CDC42BPA: variants seen among roughly 807,000 people sequenced by gnomAD.
The protein encoded by CDC42BPA is serine/threonine-protein kinase MRCK alpha.
Under a neutral mutation model 223.5 loss-of-function variants are expected in CDC42BPA, and 80 were observed. The ratio of observed to expected loss-of-function variants is 0.36; its 90% CI spans 0.30 to 0.43. The LOEUF is 0.43. Among genes scored for constraint, CDC42BPA ranks in the 20% least tolerant of loss-of-function variants. The pLI is 1.00. For missense variants in CDC42BPA, 1,743 were observed against 2,099.9 expected, an observed-to-expected ratio of 0.83 and a Z score of 3.32; for synonymous variants, 694 against 718.6, an observed-to-expected ratio of 0.97 and a Z score of 0.55.
chr1:227,130,330 CAATA>C (rs1656815404), intron 10 of CDC42BPA, among the ~76,000 whole-genome samples: 2 of 151,938 alleles, frequency 1.3e-5, no homozygotes, highest in African/African-American at 4.8e-5. Context: ...GTTTGGCAGT[CAATA>C]AATATTTGTT....
rs1418070720 is a variant in CDC42BPA, at chr1:227,313,895, ATTAG to A, written c.178+3106_178+3109del. On this transcript the variant is annotated intron_variant, in intron 1 of 36. Coordinates refer to ENST00000366766, the MANE Select transcript of CDC42BPA (RefSeq NM_001394014.1). Reference sequence around the variant, plus strand: ...ATACAAAATCTGAATAAGCTATAAAATTAGTTATTTAGTGATAATTTCTGTATGT... The same window carrying A: ...ATACAAAATCTGAATAAGCTATAAAATTATTTAGTGATAATTTCTGTATGT... Among the ~76,000 whole-genome samples the A allele has an allele frequency of 4.6e-5, 7 of 152,178 alleles. 1 individual carries two copies. Among genetic ancestry groups the A allele is most frequent in the Admixed American group, 6.5e-5 (1 of 15,286 alleles).
intron 5 of CDC42BPA, among the ~76,000 whole-genome samples, chr1:227,165,573 C>T (rs1290964953): frequency 6.6e-6 from 1 of 151,938 alleles, no homozygotes; most frequent in Non-Finnish European, 1.5e-5. Flanking sequence ...ACAATATTTA[C>T]AAAGTCTCAA....
chr1:227,296,267 T>G (rs914343320), intron 1 of CDC42BPA, among the ~76,000 whole-genome samples: 5 of 152,186 alleles, frequency 3.3e-5, no homozygotes, highest in African/African-American at 1.2e-4. Context: ...ACAGAAAGAA[T>G]AATCTCTTTT....
intron 2 of CDC42BPA, among the ~76,000 whole-genome samples, chr1:227,244,536 C>T (rs1680579962): frequency 6.6e-6 from 1 of 151,566 alleles, no homozygotes; most frequent in Non-Finnish European, 1.5e-5. Context: ...TAGAAATGTA[C>T]TATATCTTGA....
chr1:227,220,282 TTATATATATA>T (rs368690606), intron 2 of CDC42BPA, among the ~76,000 whole-genome samples: 1 of 100,880 alleles, frequency 9.9e-6, no homozygotes, highest in African/African-American at 4.0e-5. Context: ...AAAAGTCATG[TTATATATATA>T]TATATATATA....
chr1:227,116,990 C>G lies in CDC42BPA; in HGVS notation c.1647+2814G>C, dbSNP rs572047751. On this transcript the variant is annotated intron_variant, in intron 12 of 36. Transcript: ENST00000366766. ...CTTCTCTTTAGATTTCCAAGGAACT[C>G]TCTCAGAACAGGAGAAAGCAGGAAG... Among the ~76,000 whole-genome samples, 14 of 152,268 alleles carry G rather than the reference C, an allele frequency of 9.2e-5. No homozygotes were observed. In the South Asian group the frequency reaches 2.9e-3, roughly 32 times the overall value.
Position 227,119,824 on chromosome 1 carries a change from C to T in CDC42BPA, c.1627G>A (p.Glu543Lys), listed in dbSNP as rs1298123628. The T allele has an allele frequency of 6.3e-7, 1 of 1,584,976 alleles. No homozygotes were observed. Among genetic ancestry groups the T allele is most frequent in the South Asian group, 1.2e-5 (1 of 86,936 alleles). Residue 543 changes from glutamate to lysine, a missense_variant, in exon 12 of 37, where the codon GAA becomes AAA. By Grantham distance (56) the Glu-to-Lys change is moderately conservative (BLOSUM62 1). Coordinates refer to ENST00000366766, the MANE Select transcript of CDC42BPA (RefSeq NM_001394014.1). ...YEKQIKTLQQEREDLNKELVQ... is the reference protein window; with the variant it reads ...YEKQIKTLQQKREDLNKELVQ... ...TTTACCTTATTTAGATCTTCTCTTTCTTGTTGTAACGTTTTGATTTGTTTT... is the reference window on the plus strand; with the variant it reads ...TTTACCTTATTTAGATCTTCTCTTTTTTGTTGTAACGTTTTGATTTGTTTT...
intron 11 of CDC42BPA, among the ~76,000 whole-genome samples, chr1:227,125,789 A>G (rs1689480176): frequency 6.6e-6 from 1 of 151,722 alleles, no homozygotes; most frequent in Non-Finnish European, 1.5e-5. Context: ...TTTGGTTGGG[A>G]AAAAAATCTG....
chr1:227,266,360 G>A (rs1685000031), intron 1 of CDC42BPA, among the ~76,000 whole-genome samples: 1 of 152,100 alleles, frequency 6.6e-6, no homozygotes, highest in Admixed American at 6.6e-5. Context: ...TCTTTTAGGA[G>A]CTGTCTTGCA....
chr1:227,248,799 G>GA (rs1309952313), intron 2 of CDC42BPA, among the ~76,000 whole-genome samples: 2 of 151,934 alleles, frequency 1.3e-5, no homozygotes, highest in African/African-American at 4.8e-5. Context: ...ACAAAAAACT[G>GA]AAAAAATATT....
At chr1:227,006,728 A>G (rs1322420641) in intron 34 of CDC42BPA, among the ~76,000 whole-genome samples, 1 of 152,156 alleles carries the variant, frequency 6.6e-6, no homozygotes, top group Non-Finnish European at 1.5e-5. Context: ...CGAGGTCAGG[A>G]ATTCGAGACC....
intron 21 of CDC42BPA, among the ~76,000 whole-genome samples, chr1:227,054,762 T>A (rs911331262): frequency 6.6e-6 from 1 of 152,144 alleles, no homozygotes; most frequent in Non-Finnish European, 1.5e-5. Context: ...AAAGTGATTT[T>A]CTTTGCTGAA....
chr1:227,166,988 A>G (rs1332409099), intron 5 of CDC42BPA, among the ~76,000 whole-genome samples: 1 of 152,190 alleles, frequency 6.6e-6, no homozygotes, highest in Non-Finnish European at 1.5e-5. Flanking sequence ...CACAAACCCA[A>G]AAGGTTCCAA....
chr1:227,210,615 T>G (rs902840361), intron 3 of CDC42BPA, among the ~76,000 whole-genome samples: 1 of 152,204 alleles, frequency 6.6e-6, no homozygotes. Flanking sequence ...AACCCAGTTA[T>G]TCATCCTTTT....
At chr1:227,041,505 CAT>C (rs1321846879) in intron 23 of CDC42BPA, among the ~76,000 whole-genome samples, 1 of 151,956 alleles carries the variant, frequency 6.6e-6, no homozygotes, top group African/African-American at 2.4e-5. Context: ...TAGACACTAA[CAT>C]ATGAACAAAA....
chr1:227,206,804 C>A (rs1043724373), intron 3 of CDC42BPA, among the ~76,000 whole-genome samples: 3 of 152,072 alleles, frequency 2.0e-5, no homozygotes, highest in Non-Finnish European at 2.9e-5. Context: ...GTCTTGCATC[C>A]CAACAATAAA....
At chr1:227,204,900 T>C (rs1412223121) in intron 3 of CDC42BPA, among the ~76,000 whole-genome samples, 1 of 151,690 alleles carries the variant, frequency 6.6e-6, no homozygotes, top group Non-Finnish European at 1.5e-5. Flanking sequence ...TGGTTCAAAA[T>C]AGTAAAAATA....
chr1:227,185,001 G>A (rs1388567336), intron 5 of CDC42BPA, among the ~76,000 whole-genome samples: 1 of 152,106 alleles, frequency 6.6e-6, no homozygotes, highest in African/African-American at 2.4e-5. Context: ...ATTCTCAGTA[G>A]AAAATAATAG....
At chr1:227,147,792 T>C (rs1660957772) in intron 6 of CDC42BPA, among the ~76,000 whole-genome samples, 1 of 151,990 alleles carries the variant, frequency 6.6e-6, no homozygotes, top group South Asian at 2.1e-4. Context: ...ACTGATGACA[T>C]TGAGAGGAAC....
Sources: gnomAD v4.1 joint callset for allele counts (sites outside exome capture counted in the v4.1 genomes callset) on GRCh38, gnomAD v4.1.1 for gene constraint, MANE v1.5 for transcripts, NCBI Gene and HGNC (gene_info 2026-07-23, HGNC 2026-07-21) for gene names.